The following MBD5 variants were observed in gnomAD, a reference collection of about 807,000 sequenced individuals.
The protein encoded by MBD5 is methyl-CpG binding domain protein 5.
In MBD5, 13 loss-of-function variants were observed where a neutral mutation model predicts 117.3. The ratio of observed to expected loss-of-function variants is 0.11; its 90% CI spans 0.07 to 0.18. The LOEUF is 0.18. Ranked by LOEUF, MBD5 falls within the 10% of genes least tolerant of loss-of-function variation. The pLI, the probability that MBD5 is intolerant of heterozygous loss-of-function variation, is 1.00. For missense variants in MBD5, 1,879 were observed against 2,093.8 expected (o/e 0.90, Z 2.00); for synonymous variants, 727 against 766.4 (o/e 0.95, Z 0.85).
At chr2:148,135,076 T>C (rs1697140959) in intron 1 of MBD5, among the ~76,000 whole-genome samples, 1 of 152,232 alleles carries the variant, frequency 6.6e-6, no homozygotes, top group Non-Finnish European at 1.5e-5. Context: ...TCCAGTATCT[T>C]CCAGTTTCAG....
At chr2:148,173,636 T>C (rs990097600) in intron 1 of MBD5, among the ~76,000 whole-genome samples, 1 of 152,166 alleles carries the variant, frequency 6.6e-6, no homozygotes, top group Non-Finnish European at 1.5e-5. Context: ...GGAGATTTGC[T>C]TGTGCCCAGC....
intron 3 of MBD5, among the ~76,000 whole-genome samples, chr2:148,307,757 C>T (rs6724259): frequency 0.2 from 30,796 of 151,992 alleles, 3,249 homozygotes; most frequent in African/African-American, 0.21. Flanking sequence ...CCGTCATCTA[C>T]ATTAGGTATT....
At chr2:148,447,595 C>T (rs1360467280) in intron 4 of MBD5, 1 of 152,094 alleles carries the variant, frequency 6.6e-6, no homozygotes, top group Non-Finnish European at 1.5e-5. Context: ...CCTATAGAGG[C>T]CAGGCTGATG....
chr2:148,076,183 G>T (rs76331663), intron 1 of MBD5, among the ~76,000 whole-genome samples: 3 of 30,562 alleles, frequency 9.8e-5, no homozygotes, highest in Non-Finnish European at 1.5e-4. Flanking sequence ...GTCGTTTTTT[G>T]TTGTTGTTGT....
intron 8 of MBD5, among the ~76,000 whole-genome samples, chr2:148,476,547 A>AAG (rs1344721104): frequency 2.0e-5 from 3 of 152,172 alleles, no homozygotes; most frequent in Non-Finnish European, 2.9e-5. Context: ...AGCTAACAGA[A>AAG]AGAGCTTCCA....
At chr2:148,144,519 G>A (rs1697400272) in intron 1 of MBD5, among the ~76,000 whole-genome samples, 1 of 152,142 alleles carries the variant, frequency 6.6e-6, no homozygotes, top group African/African-American at 2.4e-5. Flanking sequence ...TGAAGTCCTT[G>A]CCCATGCCTA....
intron 1 of MBD5, among the ~76,000 whole-genome samples, chr2:148,081,557 C>T (rs1360275918): frequency 6.6e-6 from 1 of 152,120 alleles, no homozygotes; most frequent in African/African-American, 2.4e-5. Flanking sequence ...GCAATACCAG[C>T]CGTGGTAAGG....
At chr2:148,168,656 T>A (rs567606194) in intron 1 of MBD5, among the ~76,000 whole-genome samples, 87 of 152,144 alleles carry the variant, frequency 5.7e-4, no homozygotes, top group African/African-American at 2.0e-3. Flanking sequence ...AGATGGAAGA[T>A]CATTTGAGCC....
intron 10 of MBD5, among the ~76,000 whole-genome samples, chr2:148,488,987 C>CT (rs1164028289): frequency 6.6e-6 from 1 of 152,130 alleles, no homozygotes; most frequent in Non-Finnish European, 1.5e-5. Flanking sequence ...TTTTCAAAAT[C>CT]TTTCTCCTTT....
At chr2:148,307,495 C>CTA (rs4008056) in intron 3 of MBD5, among the ~76,000 whole-genome samples, 143,568 of 152,184 alleles carry the variant, frequency 0.94, 68,237 homozygotes, top group East Asian at 1. Flanking sequence ...TAGTAGAAAA[C>CTA]TCCCTTTTTC....
chr2:148,131,061 C>T (rs1341870421), intron 1 of MBD5, among the ~76,000 whole-genome samples: 2 of 152,016 alleles, frequency 1.3e-5, no homozygotes, highest in African/African-American at 2.4e-5. Context: ...AAGGGACTTA[C>T]TTGTTGCTGT....
At chr2:148,053,150 A>G (rs551744212) in intron 1 of MBD5, among the ~76,000 whole-genome samples, 2 of 152,110 alleles carry the variant, frequency 1.3e-5, no homozygotes, top group African/African-American at 4.8e-5. Flanking sequence ...TGAACTGTCT[A>G]TTTCTCCTGC....
At chr2:148,380,123 A>T (rs999059786) in intron 4 of MBD5, among the ~76,000 whole-genome samples, 5 of 152,186 alleles carry the variant, frequency 3.3e-5, no homozygotes, top group African/African-American at 1.2e-4. Context: ...AAATATGACT[A>T]GAGATAGGGA....
rs188988659 is a variant in MBD5 at position 148,281,699 on chromosome 2, C to G, written c.-680+48304C>G. On this transcript the variant is annotated intron_variant, in intron 3 of 13. Coordinates refer to ENST00000642680, the MANE Select transcript of MBD5 (RefSeq NM_001378120.1). ...GACTTTTTTTTCTCTCTATCTCTAT[C>G]TCCTTTTGTTTATCCCAATCATTGA... Among the ~76,000 whole-genome samples, 4 of 152,132 alleles carry G rather than the reference C, an allele frequency of 2.6e-5. No homozygotes were observed. The East Asian group carries it at 7.7e-4, about 29-fold the overall frequency.
At chr2:148,245,231 A>G (rs1410998140) in intron 3 of MBD5, among the ~76,000 whole-genome samples, 2 of 151,876 alleles carry the variant, frequency 1.3e-5, no homozygotes, top group Non-Finnish European at 2.9e-5. Context: ...CAAAAATTTT[A>G]TTTTTATTTT....
chr2:148,209,486 TCC>T (rs1416422306), intron 2 of MBD5, among the ~76,000 whole-genome samples: 1 of 151,822 alleles, frequency 6.6e-6, no homozygotes, highest in African/African-American at 2.4e-5. Flanking sequence ...GGCCTCCCAT[TCC>T]CCAGAACTGT....
chr2:148,254,522 A>C (rs1330844260), intron 3 of MBD5, among the ~76,000 whole-genome samples: 4 of 152,136 alleles, frequency 2.6e-5, no homozygotes. Flanking sequence ...TCACAATCGC[A>C]GAAGCTGAGA....
At chr2:148,412,192 A>G (rs571283453) in intron 4 of MBD5, among the ~76,000 whole-genome samples, 1 of 151,528 alleles carries the variant, frequency 6.6e-6, no homozygotes, top group South Asian at 2.1e-4. Flanking sequence ...TGGGCTCTCT[A>G]TTCTATTCCA....
At chr2:148,228,113 G>A (rs1027758696) in intron 2 of MBD5, among the ~76,000 whole-genome samples, 11 of 152,074 alleles carry the variant, frequency 7.2e-5, no homozygotes, top group Non-Finnish European at 4.4e-5. Flanking sequence ...TCCTTCTCCT[G>A]CCTGATTGCC....
Sources: gnomAD v4.1 joint callset for allele counts (sites outside exome capture counted in the v4.1 genomes callset) on GRCh38, gnomAD v4.1.1 for gene constraint, MANE v1.5 for transcripts, NCBI Gene and HGNC (gene_info 2026-07-23, HGNC 2026-07-21) for gene names.